Variants in LOC128092252 observed in about 807,000 individuals in gnomAD.
the LOC128092252 span, among the ~76,000 whole-genome samples, chr15:50,678,923 G>A: frequency 6.6e-6 from 1 of 152,158 alleles, no homozygotes; most frequent in South Asian, 2.1e-4. Flanking sequence ...ACCCAGGCTG[G>A]AGTGCAATGG....
the LOC128092252 span, among the ~76,000 whole-genome samples, chr15:50,650,064 G>A: frequency 1.5e-4 from 23 of 151,228 alleles, no homozygotes; most frequent in South Asian, 4.2e-4. Context: ...ATGGTGGCGC[G>A]TGCCTGTAAT....
At chr15:50,651,880 C>G in the LOC128092252 span, among the ~76,000 whole-genome samples, 2 of 151,614 alleles carry the variant, frequency 1.3e-5, no homozygotes, top group African/African-American at 4.8e-5. Context: ...GAGCAAGATT[C>G]CTTCTCAAAA....
At chr15:50,657,677 T>C in the LOC128092252 span, 1 of 1,024,196 alleles carries the variant, frequency 9.8e-7, no homozygotes, top group Non-Finnish European at 1.5e-6. Flanking sequence ...CCATCAAATA[T>C]AATAGCATGT....
the LOC128092252 span, among the ~76,000 whole-genome samples, chr15:50,685,500 A>G: frequency 5.3e-5 from 8 of 152,370 alleles, no homozygotes; most frequent in East Asian, 1.5e-3. Flanking sequence ...ATAGTGAAAG[A>G]CACATTATTT....
At chr15:50,662,514 T>A in the LOC128092252 span, among the ~76,000 whole-genome samples, 13 of 152,266 alleles carry the variant, frequency 8.5e-5, no homozygotes, top group East Asian at 2.5e-3. Context: ...TAAATAATGA[T>A]CTGTATCTAT....
At chr15:50,682,173 C>CAAAAAAAAAAAAAAAAAAAAAAAAA in the LOC128092252 span, among the ~76,000 whole-genome samples, 6 of 63,682 alleles carry the variant, frequency 9.4e-5, 1 homozygote, top group African/African-American at 2.0e-4. Context: ...AACTCAGTCT[C>CAAAAAAAAAAAAAAAAAAAAAAAAA]AAAAAAAAAA....
At chr15:50,659,806 T>C in the LOC128092252 span, among the ~76,000 whole-genome samples, 1 of 152,100 alleles carries the variant, frequency 6.6e-6, no homozygotes, top group Admixed American at 6.6e-5. Flanking sequence ...TAGCTGGGAT[T>C]ACAAGTGCCC....
the LOC128092252 span, among the ~76,000 whole-genome samples, chr15:50,654,802 C>T: frequency 1.2e-4 from 18 of 148,350 alleles, 1 homozygote; most frequent in Non-Finnish European, 3.0e-5. Context: ...TCAAGACCAT[C>T]CTGGCTAATA....
At chr15:50,676,812 T>A in the LOC128092252 span, among the ~76,000 whole-genome samples, 1 of 152,108 alleles carries the variant, frequency 6.6e-6, no homozygotes, top group Non-Finnish European at 1.5e-5. Context: ...AAACAGCAGC[T>A]GGAAAGTGAT....
chr15:50,662,859 G>A, the LOC128092252 span: 13 of 806,858 alleles, frequency 1.6e-5, no homozygotes, highest in Middle Eastern at 2.4e-4. Context: ...AAAAGTAACA[G>A]TAAGTACAAA....
At chr15:50,651,245 C>T in the LOC128092252 span, among the ~76,000 whole-genome samples, 2 of 151,800 alleles carry the variant, frequency 1.3e-5, no homozygotes, top group African/African-American at 4.8e-5. Context: ...AAGCAGAAAA[C>T]TATCAATAAA....
At chr15:50,665,669 G>A in the LOC128092252 span, among the ~76,000 whole-genome samples, 3 of 152,114 alleles carry the variant, frequency 2.0e-5, no homozygotes, top group Non-Finnish European at 4.4e-5. Context: ...GCATGTATAG[G>A]AAAATGTATA....
chr15:50,663,539 G>T, the LOC128092252 span, among the ~76,000 whole-genome samples: 1 of 152,096 alleles, frequency 6.6e-6, no homozygotes, highest in African/African-American at 2.4e-5. Flanking sequence ...AGTGACCTAG[G>T]TTATTAAATC....
chr15:50,686,589 G>T, the LOC128092252 span: 3 of 1,602,558 alleles, frequency 1.9e-6, no homozygotes, highest in Non-Finnish European at 2.6e-6. Flanking sequence ...CCTCCTCCGC[G>T]GCCTGTAGCC....
At chr15:50,686,378 C>T in the LOC128092252 span, among the ~76,000 whole-genome samples, 1 of 152,220 alleles carries the variant, frequency 6.6e-6, no homozygotes, top group African/African-American at 2.4e-5. Flanking sequence ...ACTGCACACC[C>T]GTCCCGAGAG....
the LOC128092252 span, among the ~76,000 whole-genome samples, chr15:50,678,256 A>C: frequency 1.5e-5 from 2 of 133,644 alleles, no homozygotes; most frequent in Non-Finnish European, 3.5e-5. Flanking sequence ...AAAAAACAAA[A>C]ACAAAAACAA....
chr15:50,674,771 T>C, the LOC128092252 span, among the ~76,000 whole-genome samples: 1 of 152,168 alleles, frequency 6.6e-6, no homozygotes, highest in South Asian at 2.1e-4. Context: ...CCTTCATTTC[T>C]AAAGGAGAGC....
At chr15:50,679,511 A>ATATATAT in the LOC128092252 span, among the ~76,000 whole-genome samples, 1 of 75,458 alleles carries the variant, frequency 1.3e-5, no homozygotes, top group African/African-American at 7.1e-5. Context: ...GTATATATAT[A>ATATATAT]ATATATATAT....
At chr15:50,679,195 GTTGGTGGT>G in the LOC128092252 span, among the ~76,000 whole-genome samples, 34 of 150,986 alleles carry the variant, frequency 2.3e-4, 2 homozygotes, top group African/African-American at 5.6e-4. Flanking sequence ...AATTAGCCAG[GTTGGTGGT>G]ATGGGCCTGT....
Sources: allele counts gnomAD v4.1 joint callset (sites outside exome capture counted in the v4.1 genomes callset), GRCh38; gene constraint gnomAD v4.1.1; transcripts MANE v1.5.